The following PIEZO2 variants were observed in gnomAD, a reference collection of about 807,000 sequenced individuals.
PIEZO2 encodes piezo-type mechanosensitive ion channel component 2.
Under a neutral mutation model 337.3 loss-of-function variants are expected in PIEZO2, and 172 were observed. That is an observed-to-expected ratio of 0.51 (90% CI 0.45 to 0.58). The LOEUF is 0.58. Ranked by LOEUF, PIEZO2 falls within the 20% of genes least tolerant of loss-of-function variation. The pLI is 0.00. For synonymous variants in PIEZO2, 1,251 were observed against 1,228.5 expected, an observed-to-expected ratio of 1.02 and a Z score of -0.38; for missense variants, 3,028 against 3,391.3, an observed-to-expected ratio of 0.89 and a Z score of 2.66.
rs1393064755 is a variant in PIEZO2, at chr18:10,731,404, C to T, written c.5029+3G>A. On this transcript the variant is annotated splice_donor_region_variant and intron_variant, in intron 36 of 55. Transcript: ENST00000674853. ...CACCACAGCCACCCCACCCACCACTCACCCTCCTTGGATCCTTTCCGCCTT... is the reference window on the plus strand; with the variant it reads ...CACCACAGCCACCCCACCCACCACTTACCCTCCTTGGATCCTTTCCGCCTT... The T allele has an allele frequency of 9.1e-6, 14 of 1,531,018 alleles. No individual in the cohort carries two copies. Among genetic ancestry groups the T allele is most frequent in the Non-Finnish European group, 1.1e-5 (13 of 1,143,386 alleles). The allele number at this position is 1,531,018 out of a possible 1,614,324, so 94.8% of individuals were successfully genotyped here.
rs956954324 is a variant in PIEZO2 at position 11,112,743 on chromosome 18, TAATGCCA to T, written c.64+35775_64+35781del. Among the ~76,000 whole-genome samples the T allele has an allele frequency of 2.6e-5, 4 of 152,208 alleles. No individual in the cohort carries two copies. The highest frequency in any genetic ancestry group is 9.6e-5 in the African/African-American group (4 of 41,462). On this transcript the variant is annotated intron_variant, in intron 1 of 55. Coordinates refer to ENST00000674853, the MANE Select transcript of PIEZO2 (RefSeq NM_001378183.1). This position sits in a 1 kb window ranked among gnomAD's most constrained non-coding sequence, Gnocchi z 4.3. The stretch of plus-strand genomic sequence containing the variant: ...GTTCTACTGTCTATTGAGAAATGCA[TAATGCCA>T]CAGGACTGAACTGAAAATGTGGGCT...
At chr18:11,014,962 C>T (rs527771681) in intron 2 of PIEZO2, among the ~76,000 whole-genome samples, 4 of 145,534 alleles carry the variant, frequency 2.7e-5, no homozygotes, top group Admixed American at 2.0e-4. Flanking sequence ...GAACATGTCA[C>T]CCTGGGTGGG....
In PIEZO2 at chr18:10,940,599, C is replaced by T. The variant is rs1378316251; in HGVS notation, c.287-29371G>A. On this transcript the variant is annotated intron_variant, in intron 3 of 55. Transcript: ENST00000674853. This position sits in a 1 kb window ranked among gnomAD's most constrained non-coding sequence, Gnocchi z 5.3. ...AGAATTCAGGCCGGGCACTGCTGCT[C>T]ATGCCTGTAATCCCAACACTTCGAG... Among the ~76,000 whole-genome samples the T allele has an allele frequency of 6.6e-6, 1 of 152,238 alleles. No homozygotes were observed. Among genetic ancestry groups the T allele is most frequent in the Non-Finnish European group, 1.5e-5 (1 of 68,044 alleles).
intron 2 of PIEZO2, among the ~76,000 whole-genome samples, chr18:11,064,841 T>C (rs773569973): frequency 2.0e-4 from 30 of 152,208 alleles, no homozygotes; most frequent in Non-Finnish European, 3.7e-4. Flanking sequence ...CTTCTTTCTT[T>C]GGAAAAGGAG....
At chr18:10,937,903 C>A (rs2032495929) in intron 3 of PIEZO2, among the ~76,000 whole-genome samples, 1 of 152,156 alleles carries the variant, frequency 6.6e-6, no homozygotes, top group Admixed American at 6.5e-5. Flanking sequence ...CTTTAAAAAA[C>A]TGCTATAATT....
Position 11,003,038 on chromosome 18 carries a change from A to G in PIEZO2, c.161-23378T>C, listed in dbSNP as rs2035600019. Among the ~76,000 whole-genome samples the G allele has an allele frequency of 6.6e-6, 1 of 152,210 alleles. No homozygotes were observed. The highest frequency in any genetic ancestry group is 1.5e-5 in the Non-Finnish European group (1 of 68,034). ...TGACCAACATCCGTTGCATGAGGTC[A>G]AGGACAGCCTTAAGCACAAGGAGAT... On this transcript the variant is annotated intron_variant, in intron 2 of 55. Transcript: ENST00000674853. This position sits in a 1 kb window ranked among gnomAD's most constrained non-coding sequence, Gnocchi z 4.6.
chr18:10,837,993 C>T lies in PIEZO2; in HGVS notation c.917+17360G>A, dbSNP rs933451956. The stretch of plus-strand genomic sequence containing the variant: ...TCTCGAACTCCTGATCGCAGGTGAT[C>T]TGTCCGCCTCGGCCTCCCAAAGTTC... On this transcript the variant is annotated intron_variant, in intron 7 of 55. Coordinates refer to ENST00000674853, the MANE Select transcript of PIEZO2 (RefSeq NM_001378183.1). This position sits in a 1 kb window ranked among gnomAD's most constrained non-coding sequence, Gnocchi z 4.4. Among the ~76,000 whole-genome samples the T allele has an allele frequency of 2.6e-5, 4 of 152,130 alleles. No homozygotes were observed. The East Asian group carries it at 7.7e-4, about 29-fold the overall frequency.
chr18:10,701,438 A>G (rs960546716), intron 43 of PIEZO2, among the ~76,000 whole-genome samples: 14 of 152,214 alleles, frequency 9.2e-5, no homozygotes, highest in African/African-American at 3.1e-4. Flanking sequence ...AAGCAGGAGA[A>G]AGCACAGCTC....
In PIEZO2 at chr18:11,015,434, T is replaced by C. The variant is rs549742794; in HGVS notation, c.161-35774A>G. Among the ~76,000 whole-genome samples the C allele has an allele frequency of 9.8e-5, 15 of 152,356 alleles. No individual in the cohort carries two copies. The South Asian group carries it at 2.9e-3, about 29-fold the overall frequency. On this transcript the variant is annotated intron_variant, in intron 2 of 55. Transcript: ENST00000674853. ...GGAGAGCTCAAAAGAGAATATTCTC[T>C]GGCAATAAAGATGGAAGTTAATGGT...
Position 10,831,186 on chromosome 18 carries a change from GA to G in PIEZO2, c.918-23913del, listed in dbSNP as rs372937846. Among the ~76,000 whole-genome samples the G allele has an allele frequency of 1.5e-3, 229 of 152,088 alleles. 1 individual carries two copies. Among genetic ancestry groups the G allele is most frequent in the African/African-American group, 4.9e-3 (203 of 41,516 alleles). Reference sequence around the variant, plus strand: ...AATCCCACTCCTAGGTATATATCCAGAAAAAAAGGAAAGAAGTATATCGAAG... The same window carrying G: ...AATCCCACTCCTAGGTATATATCCAGAAAAAAGGAAAGAAGTATATCGAAG... On this transcript the variant is annotated intron_variant, in intron 7 of 55. Transcript: ENST00000674853.
intron 1 of PIEZO2, among the ~76,000 whole-genome samples, chr18:11,073,688 T>C (rs956984444): frequency 1.3e-5 from 2 of 152,186 alleles, no homozygotes; most frequent in African/African-American, 4.8e-5. Context: ...CAATTTTACT[T>C]GATGTATGTG....
rs954450159 is a variant in PIEZO2, at chr18:10,707,843, G to A, written c.5588+432C>T. Among the ~76,000 whole-genome samples, 1 of 152,156 alleles carries A rather than the reference G, an allele frequency of 6.6e-6. No homozygotes were observed. Among genetic ancestry groups the A allele is most frequent in the African/African-American group, 2.4e-5 (1 of 41,442 alleles). The stretch of plus-strand genomic sequence containing the variant: ...TCACTAAAAATGACTACCTATGATA[G>A]ATTTTTAGATTTTTTTCCTACTGCA... On this transcript the variant is annotated intron_variant, in intron 40 of 55. Coordinates refer to ENST00000674853, the MANE Select transcript of PIEZO2 (RefSeq NM_001378183.1). The surrounding 1 kb of genome is among the most constrained non-coding windows in gnomAD (Gnocchi z 4.2).
rs376283214 is a variant in PIEZO2 at position 10,790,363 on chromosome 18, T to C, written c.1882+838A>G. Among the ~76,000 whole-genome samples the C allele has an allele frequency of 5.3e-5, 8 of 152,336 alleles. No individual in the cohort carries two copies. In the South Asian group the frequency reaches 8.3e-4, roughly 16 times the overall value. Reference sequence around the variant, plus strand: ...CTTCTGTGGACATTTCTAGGCTCCTTTTCACAGACAGTGCTTCTTAACCTC... The same window carrying C: ...CTTCTGTGGACATTTCTAGGCTCCTCTTCACAGACAGTGCTTCTTAACCTC... On this transcript the variant is annotated intron_variant, in intron 14 of 55. Transcript: ENST00000674853.
chr18:11,052,375 A>T (rs188629021), intron 2 of PIEZO2, among the ~76,000 whole-genome samples: 1 of 152,324 alleles, frequency 6.6e-6, no homozygotes, highest in East Asian at 1.9e-4. Context: ...ATTTCATAAC[A>T]TGTGAGATCA....
chr18:11,024,547 G>GA (rs569472740), intron 2 of PIEZO2, among the ~76,000 whole-genome samples: 1,152 of 104,012 alleles, frequency 0.011, 17 homozygotes, highest in Non-Finnish European at 0.014. Context: ...CTCTGTCTCA[G>GA]AAAAAAAAAA....
At chr18:10,811,936 C>G (rs2040205445) in intron 7 of PIEZO2, among the ~76,000 whole-genome samples, 1 of 152,200 alleles carries the variant, frequency 6.6e-6, no homozygotes, top group African/African-American at 2.4e-5. Context: ...CGGGTTCACA[C>G]CATTCTCCTG....
At chr18:11,057,286 C>T (rs1175863559) in intron 2 of PIEZO2, among the ~76,000 whole-genome samples, 1 of 152,178 alleles carries the variant, frequency 6.6e-6, no homozygotes, top group Non-Finnish European at 1.5e-5. Flanking sequence ...AGTAACCAAT[C>T]CTTTCTGTTT....
chr18:10,832,268 G>C (rs977455687), intron 7 of PIEZO2, among the ~76,000 whole-genome samples: 1 of 151,996 alleles, frequency 6.6e-6, no homozygotes, highest in African/African-American at 2.4e-5. Flanking sequence ...CAAAAACAGA[G>C]TTGGAAATAC....
chr18:10,888,369 C>T lies in PIEZO2; in HGVS notation c.330-16954G>A, dbSNP rs1383529369. Among the ~76,000 whole-genome samples the T allele has an allele frequency of 6.6e-6, 1 of 152,172 alleles. No homozygotes were observed. The highest frequency in any genetic ancestry group is 2.4e-5 in the African/African-American group (1 of 41,434). On this transcript the variant is annotated intron_variant, in intron 4 of 55. Transcript: ENST00000674853. This position sits in a 1 kb window ranked among gnomAD's most constrained non-coding sequence, Gnocchi z 4.1. ...CTGTGCATTCTTCTACTTTCTGACA[C>T]AGTAAGGTTTTTAGGCCTGTCTTCT...
Sources: allele counts gnomAD v4.1 joint callset (sites outside exome capture counted in the v4.1 genomes callset), GRCh38; gene constraint gnomAD v4.1.1; non-coding constraint Gnocchi (gnomAD v3.1); transcripts MANE v1.5; gene names NCBI Gene and HGNC (gene_info 2026-07-23, HGNC 2026-07-21).